RPS2: variants seen among roughly 807,000 people sequenced by gnomAD.
RPS2 encodes ribosomal protein S2.
In RPS2, 8 loss-of-function variants were observed where a neutral mutation model predicts 25.3. That is an observed-to-expected ratio of 0.32 (90% CI 0.19 to 0.57). The LOEUF (loss-of-function observed/expected upper bound fraction) is 0.57. Ranked by LOEUF, RPS2 falls within the 20% of genes least tolerant of loss-of-function variation. RPS2 has a pLI of 0.90. For synonymous variants in RPS2, 181 were observed against 161.3 expected, an observed-to-expected ratio of 1.12 and a Z score of -0.92; for missense variants, 229 against 408.1, an observed-to-expected ratio of 0.56 and a Z score of 3.78.
Position 1,963,263 on chromosome 16 carries a change from C to CA in RPS2, c.268-8dup. 2 of 1,487,190 alleles carry CA rather than the reference C, an allele frequency of 1.3e-6. No homozygotes were observed. Among genetic ancestry groups the CA allele is most frequent in the Non-Finnish European group, 1.8e-6 (2 of 1,099,746 alleles). The allele number at this position is 1,487,190 out of a possible 1,614,324, so 92.1% of individuals were successfully genotyped here. Reference sequence around the variant, plus strand: ...AATCAATGATCTCTGATTCCTGAAACAAACAAGAAAATTGTAGGGAGAGCA... The same window carrying CA: ...AATCAATGATCTCTGATTCCTGAAACAAAACAAGAAAATTGTAGGGAGAGCA... On this transcript the variant is annotated splice_polypyrimidine_tract_variant and splice_region_variant and intron_variant, in intron 3 of 6. Transcript: ENST00000343262.
intron 5 of RPS2, 29 bp from the exon 6 acceptor site, chr16:1,962,685 G>A: frequency 1.3e-6 from 2 of 1,586,090 alleles, no homozygotes; most frequent in Non-Finnish European, 1.7e-6. Flanking sequence ...AGGAGACGGG[G>A]GCCCGAGGGA....
At chr16:1,963,671 G>A (rs949803795) in intron 3 of RPS2, 11 of 386,932 alleles carry the variant, frequency 2.8e-5, no homozygotes, top group East Asian at 7.4e-5. Context: ...CCCCCGATCT[G>A]TCCCCTTCGT....
At chr16:1,962,433 C>T in intron 6 of RPS2, 64 bp downstream of exon 6, 1 of 1,503,142 alleles carries the variant, frequency 6.7e-7, no homozygotes, top group Non-Finnish European at 9.3e-7. Flanking sequence ...CAAGCACACA[C>T]TGGACCCGTG....
intron 3 of RPS2, chr16:1,963,901 G>A (rs1597038783): frequency 2.4e-6 from 1 of 411,898 alleles, no homozygotes; most frequent in South Asian, 1.8e-5. Context: ...CCCGCTGGAT[G>A]CAGATGACAG....
In RPS2 at chr16:1,964,595, G is replaced by T. The variant is rs199558614; in HGVS notation, c.31C>A (p.Pro11Thr). 18 of 1,536,600 alleles carry T rather than the reference G, an allele frequency of 1.2e-5. No individual in the cohort carries two copies. In the African/African-American group the frequency reaches 2.6e-4, roughly 22 times the overall value. MADDAGAAGGPGGPGGPGMGN... is the reference protein window; with the variant it reads MADDAGAAGGTGGPGGPGMGN... ...ATCCCAGGGCCACCAGGGCCCCCGG[G>T]CCCCCCCGCTGCACCGGCGTCATCC... The change falls in exon 2 of 7, where the codon CCC (proline) becomes ACC (threonine). Residue 11 changes from proline (P) to threonine (T), a missense_variant. Around this residue, in one of 7 missense-constraint regions of RPS2, gnomAD observed 27 missense variants for 26.4 expected, o/e 1.02. Transcript: ENST00000343262.
rs183292699 is a variant in RPS2 at position 1,962,387 on chromosome 16, T to C, written c.709+110A>G. On this transcript the variant is annotated intron_variant, in intron 6 of 6. Coordinates refer to ENST00000343262, the MANE Select transcript of RPS2 (RefSeq NM_002952.4). ...CCATTCTGGGCGGGTCTGTCGTGCA[T>C]TAGGAGAGCCTTTCTCTGCCTCCCT... 106 of 1,382,082 alleles carry C rather than the reference T, an allele frequency of 7.7e-5. 1 individual carries two copies. The East Asian group carries it at 1.9e-3, about 25-fold the overall frequency. 85.6% of individuals were successfully genotyped at this position (1,382,082 alleles called of 1,614,324 possible).
chr16:1,962,176 C>T lies in RPS2; in HGVS notation c.804G>A (p.Glu268=), dbSNP rs530543768. 1.9e-6 allele frequency: 3 copies of T among 1,600,894 alleles called. No homozygotes were observed. The highest frequency in any genetic ancestry group is 2.2e-5 in the South Asian group (2 of 90,526). ...ETVFTKSPYQ[E]FTDHLVKTHT... ...GGGTCTTGACGAGGTGGTCAGTGAACTCCTGATAGGGAGACTTGGTGAATA... is the reference window on the plus strand; with the variant it reads ...GGGTCTTGACGAGGTGGTCAGTGAATTCCTGATAGGGAGACTTGGTGAATA... The change falls in exon 7 of 7, where the codon GAG becomes GAA. Residue 268 remains glutamate (E), a synonymous_variant. Transcript: ENST00000343262.
intron 3 of RPS2, chr16:1,964,002 C>G (rs1269087259): frequency 2.1e-6 from 1 of 485,128 alleles, no homozygotes; most frequent in Non-Finnish European, 3.8e-6. Context: ...ATGGCATGAA[C>G]CAAGCGCTGC....
intron 1 of RPS2, 58 bp from the exon 2 acceptor site, chr16:1,964,686 C>G: frequency 2.1e-6 from 2 of 963,138 alleles, no homozygotes; most frequent in Non-Finnish European, 3.0e-6. Flanking sequence ...GGCAGCCCCC[C>G]GCGAGACCCA....
chr16:1,964,281 T>C lies in RPS2; in HGVS notation c.262A>G (p.Ile88Val). The change falls in exon 3 of 7, where the codon ATT becomes GTT. Residue 88 changes from isoleucine to valine, a missense_variant. Around this residue, in one of 7 missense-constraint regions of RPS2, gnomAD observed 70 missense variants for 119.0 expected, o/e 0.59. Coordinates refer to ENST00000343262, the MANE Select transcript of RPS2 (RefSeq NM_002952.4). ...CCCCAACGACCGACGCGTACCTTAA[T>C]AGGCAGGGAGAAGAGATAGATCTCC... ...LEEIYLFSLP[I>V]KESEIIDFFL... The C allele has an allele frequency of 4.3e-6, 7 of 1,611,784 alleles. No individual in the cohort carries two copies. The highest frequency in any genetic ancestry group is 5.9e-6 in the Non-Finnish European group (7 of 1,178,376).
At chr16:1,964,699 CA>C (rs1204701226) in intron 1 of RPS2, 71 bp from the exon 2 acceptor site, 5 of 853,668 alleles carry the variant, frequency 5.9e-6, no homozygotes, top group Non-Finnish European at 8.8e-6. Flanking sequence ...GAGACCCAGA[CA>C]AGGGCTCCCG....
At position 1,962,796 on chromosome 16, in the gene RPS2, G is replaced by C. The variant is rs2150872379; in HGVS notation, c.489C>G (p.Val163=). 6.2e-7 allele frequency: 1 copy of C among 1,611,720 alleles called. No individual in the cohort carries two copies. The highest frequency in any genetic ancestry group is 2.2e-5 in the East Asian group (1 of 44,868). The change falls in exon 5 of 7, where the codon GTC becomes GTG. Residue 163 remains valine (V), a synonymous_variant. Transcript: ENST00000343262. ...GAIILAKLSI[V]PVRRGYWGNK... is the part of the protein sequence containing the mutation. ...TCCCCCAGTAGCCTCTGCGCACGGG[G>C]ACGATGGAGAGCTTGGCCAGGATGA...
chr16:1,963,126 C>G, intron 4 of RPS2, 23 bp downstream of exon 4: 1 of 1,572,934 alleles, frequency 6.4e-7, no homozygotes, highest in Non-Finnish European at 8.7e-7. Context: ...CCCAGCGCAG[C>G]CCCCTCCAGG....
chr16:1,964,728 G>A (rs1011083388), intron 1 of RPS2, 79 bp downstream of exon 1: 1 of 680,698 alleles, frequency 1.5e-6, no homozygotes, highest in Non-Finnish European at 2.4e-6. Flanking sequence ...GCGCGGACTC[G>A]GGAGCCTAGA....
rs61741761 is a variant in RPS2 at position 1,964,288 on chromosome 16, G to C, written c.255C>G (p.Ser85=). 1.2e-6 allele frequency: 2 copies of C among 1,612,026 alleles called. No individual in the cohort carries two copies. Among genetic ancestry groups the C allele is most frequent in the Non-Finnish European group, 1.7e-6 (2 of 1,178,660 alleles). ...IKSLEEIYLF[S]LPIKESEIID... ...GACCGACGCGTACCTTAATAGGCAG[G>C]GAGAAGAGATAGATCTCCTCCAGGG... Residue 85 remains serine, a synonymous_variant, in exon 3 of 7, where the codon TCC becomes TCG. Transcript: ENST00000343262.
chr16:1,963,051 C>G (rs767323137), intron 4 of RPS2, 98 bp downstream of exon 4: 13 of 1,369,916 alleles, frequency 9.5e-6, no homozygotes, highest in Non-Finnish European at 1.1e-5. Flanking sequence ...CTCTCTCTCC[C>G]CGTTACGAAA....
Position 1,962,572 on chromosome 16 carries a change from T to C in RPS2, c.634A>G (p.Lys212Glu). The stretch of plus-strand genomic sequence containing the variant: ...TCGATACCAGCCATCATGAGCAGCT[T>C]CTTAGGCACAGGTGCGGAGACGATG... ...TGIVSAPVPKKLLMMAGIDDC... is the reference protein window; with the variant it reads ...TGIVSAPVPKELLMMAGIDDC... Residue 212 changes from lysine (K) to glutamate (E), a missense_variant, in exon 6 of 7, where the codon AAG becomes GAG. Lys to Glu is a moderately conservative substitution (Grantham distance 56). Around this residue, in one of 7 missense-constraint regions of RPS2, gnomAD observed 79 missense variants for 159.0 expected, o/e 0.50. Coordinates refer to ENST00000343262, the MANE Select transcript of RPS2 (RefSeq NM_002952.4). 6.2e-7 allele frequency: 1 copy of C among 1,611,420 alleles called. No homozygotes were observed. Among genetic ancestry groups the C allele is most frequent in the African/African-American group, 1.3e-5 (1 of 74,966 alleles).
chr16:1,962,413 G>A lies in RPS2; in HGVS notation c.709+84C>T, dbSNP rs368206353. 6.9e-6 allele frequency: 10 copies of A among 1,444,860 alleles called. No homozygotes were observed. In the African/African-American group the frequency reaches 1.1e-4, roughly 16 times the overall value. The allele number at this position is 1,444,860 out of a possible 1,614,324, so 89.5% of individuals were successfully genotyped here. A position where few individuals can be genotyped will look rare whatever the true frequency, so the allele number is the denominator to read the frequency against. On this transcript the variant is annotated intron_variant, in intron 6 of 6. Transcript: ENST00000343262. ...TAGGAGAGCCTTTCTCTGCCTCCCT[G>A]AAAACACGCCAAGCACACACTGGAC...
chr16:1,964,274 A>C lies in RPS2; in HGVS notation c.267+2T>G. The C allele has an allele frequency of 6.2e-7, 1 of 1,610,298 alleles. No individual in the cohort carries two copies. The highest frequency in any genetic ancestry group is 8.5e-7 in the Non-Finnish European group (1 of 1,177,132). On this transcript the variant is annotated splice_donor_variant, in intron 3 of 6. Coordinates refer to ENST00000343262, the MANE Select transcript of RPS2 (RefSeq NM_002952.4). LOFTEE classifies it high-confidence loss of function. The stretch of plus-strand genomic sequence containing the variant: ...CTCAACGCCCCAACGACCGACGCGT[A>C]CCTTAATAGGCAGGGAGAAGAGATA...
Sources: gnomAD v4.1 joint callset for allele counts on GRCh38, gnomAD v4.1.1 for gene constraint, gnomAD v4.1.1 regional missense constraint, MANE v1.5 for transcripts, NCBI Gene and HGNC (gene_info 2026-07-23, HGNC 2026-07-21) for gene names.